Variants in ST6GALNAC3 observed in about 807,000 individuals in gnomAD.
The protein encoded by ST6GALNAC3 is alpha-N-acetylgalactosaminide alpha-2,6-sialyltransferase 3.
ST6GALNAC3 carries 25 observed loss-of-function variants against 32.7 expected under a neutral mutation model. The ratio of observed to expected loss-of-function variants is 0.76; its 90% confidence interval spans 0.56 to 1.07. The LOEUF is 1.07. Among genes scored for constraint, ST6GALNAC3 ranks in the 50% least tolerant of loss-of-function variants. ST6GALNAC3 has a pLI of 0.00. For missense variants in ST6GALNAC3, 355 were observed against 382.4 expected (o/e 0.93, Z 0.60); for synonymous variants, 129 against 133.1 (o/e 0.97, Z 0.21).
At chr1:76,318,323 C>T (rs1005171918) in intron 2 of ST6GALNAC3, among the ~76,000 whole-genome samples, 4 of 152,042 alleles carry the variant, frequency 2.6e-5, no homozygotes, top group African/African-American at 9.7e-5. Flanking sequence ...TTACCTTTAC[C>T]CAGTCTCCCC....
chr1:76,631,090 A>G lies in ST6GALNAC3; in HGVS notation c.*2284A>G. 4.4e-6 allele frequency: 4 copies of G among 918,206 alleles called. No individual in the cohort carries two copies. Among genetic ancestry groups the G allele is most frequent in the Non-Finnish European group, 5.2e-6 (4 of 768,806 alleles). 56.9% of individuals were successfully genotyped at this position (918,206 alleles called of 1,614,324 possible). A position where few individuals can be genotyped will look rare whatever the true frequency, so the allele number is the denominator to read the frequency against. On this transcript the variant is annotated 3_prime_UTR_variant, in exon 5 of 5. Coordinates refer to ENST00000328299, the MANE Select transcript of ST6GALNAC3 (RefSeq NM_152996.4). Reference sequence around the variant, plus strand: ...CTCGTTGTAGCTTTCTCTGATGAAGACTTCTGCAGTATATTGTATCCCTCA... The same window carrying G: ...CTCGTTGTAGCTTTCTCTGATGAAGGCTTCTGCAGTATATTGTATCCCTCA...
chr1:76,526,998 A>C (rs1377759764), intron 3 of ST6GALNAC3, among the ~76,000 whole-genome samples: 1 of 152,124 alleles, frequency 6.6e-6, no homozygotes, highest in Non-Finnish European at 1.5e-5. Flanking sequence ...TGAGATACAA[A>C]GCAAATACAT....
At chr1:76,398,640 G>A (rs1163371158) in intron 2 of ST6GALNAC3, among the ~76,000 whole-genome samples, 1 of 152,082 alleles carries the variant, frequency 6.6e-6, no homozygotes, top group East Asian at 1.9e-4. Flanking sequence ...AAATTTGTGT[G>A]GTTTGCAATT....
intron 2 of ST6GALNAC3, among the ~76,000 whole-genome samples, chr1:76,361,381 C>T (rs1649920769): frequency 1.3e-5 from 2 of 152,074 alleles, no homozygotes; most frequent in Non-Finnish European, 2.9e-5. Context: ...TCTTAAGGAT[C>T]ATTCATGTTG....
chr1:76,620,028 T>G (rs1648537613), intron 3 of ST6GALNAC3, among the ~76,000 whole-genome samples: 1 of 152,102 alleles, frequency 6.6e-6, no homozygotes. Context: ...ATAGCCTTGG[T>G]TTTGAAAATA....
intron 1 of ST6GALNAC3, among the ~76,000 whole-genome samples, chr1:76,152,401 T>C (rs561626643): frequency 9.1e-4 from 138 of 152,264 alleles, no homozygotes; most frequent in African/African-American, 3.2e-3. Flanking sequence ...AGGTGGGTGA[T>C]GAGGTAAAGA....
intron 1 of ST6GALNAC3, among the ~76,000 whole-genome samples, chr1:76,111,918 G>C (rs549659774): frequency 7.2e-5 from 11 of 152,088 alleles, no homozygotes; most frequent in Non-Finnish European, 1.5e-4. Flanking sequence ...CAAAACCGCC[G>C]TTGTCATCAT....
chr1:76,437,725 G>A (rs1255815677), intron 3 of ST6GALNAC3, among the ~76,000 whole-genome samples: 1 of 151,032 alleles, frequency 6.6e-6, no homozygotes, highest in Middle Eastern at 3.4e-3. Context: ...CTACAGGCAC[G>A]CACCACTACG....
intron 1 of ST6GALNAC3, among the ~76,000 whole-genome samples, chr1:76,202,315 C>G (rs1434585440): frequency 2.8e-5 from 4 of 143,840 alleles, no homozygotes; most frequent in Non-Finnish European, 6.1e-5. Context: ...TGTACATACA[C>G]ACATATACAA....
chr1:76,234,153 G>A (rs541241612), intron 1 of ST6GALNAC3, among the ~76,000 whole-genome samples: 1 of 152,240 alleles, frequency 6.6e-6, no homozygotes, highest in South Asian at 2.1e-4. Flanking sequence ...TTACCACCTT[G>A]CTTCCTTGCC....
intron 1 of ST6GALNAC3, among the ~76,000 whole-genome samples, chr1:76,101,654 G>A (rs1486257950): frequency 6.6e-6 from 1 of 152,098 alleles, no homozygotes; most frequent in African/African-American, 2.4e-5. Context: ...TCTTGAAGTG[G>A]TTAGTAGATT....
At chr1:76,178,449 C>A (rs1033535673) in intron 1 of ST6GALNAC3, among the ~76,000 whole-genome samples, 8 of 152,314 alleles carry the variant, frequency 5.3e-5, no homozygotes, top group African/African-American at 1.9e-4. Flanking sequence ...GTTCAAGTTA[C>A]AAGTTGTAGC....
chr1:76,589,906 T>C (rs1647021259), intron 3 of ST6GALNAC3, among the ~76,000 whole-genome samples: 1 of 151,872 alleles, frequency 6.6e-6, no homozygotes, highest in South Asian at 2.1e-4. Flanking sequence ...CGTCCTTACA[T>C]TCTCCCTGAG....
At chr1:76,426,519 A>T (rs1021934165) in intron 3 of ST6GALNAC3, among the ~76,000 whole-genome samples, 2 of 151,480 alleles carry the variant, frequency 1.3e-5, no homozygotes, top group Non-Finnish European at 2.9e-5. Context: ...TACTGCCTGA[A>T]AGACCTGCCT....
intron 3 of ST6GALNAC3, among the ~76,000 whole-genome samples, chr1:76,466,719 C>T (rs1042725608): frequency 1.3e-5 from 2 of 152,008 alleles, no homozygotes; most frequent in Non-Finnish European, 2.9e-5. Context: ...CAACTACGTG[C>T]TCAACAATGG....
At chr1:76,209,260 C>G (rs1340863637) in intron 1 of ST6GALNAC3, among the ~76,000 whole-genome samples, 2 of 152,162 alleles carry the variant, frequency 1.3e-5, no homozygotes, top group Admixed American at 6.5e-5. Flanking sequence ...CTTGAAGCCC[C>G]TGAGCTTATG....
chr1:76,462,756 G>C (rs1469528355), intron 3 of ST6GALNAC3, among the ~76,000 whole-genome samples: 1 of 152,162 alleles, frequency 6.6e-6, no homozygotes, highest in African/African-American at 2.4e-5. Flanking sequence ...GAACATGTAA[G>C]TATCACTAGC....
intron 2 of ST6GALNAC3, among the ~76,000 whole-genome samples, chr1:76,382,163 T>C (rs1651759846): frequency 6.6e-6 from 1 of 152,084 alleles, no homozygotes; most frequent in African/African-American, 2.4e-5. Context: ...AAAAGTGGAA[T>C]CCTCTATGTA....
chr1:76,284,021 G>GATGAGAATCTTGGA (rs1659643258), intron 1 of ST6GALNAC3, among the ~76,000 whole-genome samples: 1 of 75,146 alleles, frequency 1.3e-5, no homozygotes, highest in Non-Finnish European at 2.8e-5. Context: ...GGCTTGTTGG[G>GATGAGAATCTTGGA]ATTGGATCAA....
Sources: gnomAD v4.1 joint callset for allele counts (sites outside exome capture counted in the v4.1 genomes callset) on GRCh38, gnomAD v4.1.1 for gene constraint, MANE v1.5 for transcripts, NCBI Gene and HGNC (gene_info 2026-07-23, HGNC 2026-07-21) for gene names.